EPHA6: variants seen among roughly 807,000 people sequenced by gnomAD.
EPHA6 encodes the protein EPH receptor A6.
In EPHA6, 50 loss-of-function variants were observed where a neutral mutation model predicts 112.0. The ratio of observed to expected loss-of-function variants is 0.45; its 90% CI spans 0.36 to 0.56. The LOEUF is 0.56. Ranked by LOEUF, EPHA6 falls within the 20% of genes least tolerant of loss-of-function variation. EPHA6 has a pLI of 0.00. For missense variants in EPHA6, 1,280 were observed against 1,417.4 expected (o/e 0.90, Z 1.56); for synonymous variants, 529 against 490.7 (o/e 1.08, Z -1.03).
intron 2 of EPHA6, among the ~76,000 whole-genome samples, chr3:96,919,101 A>T (rs1345283553): frequency 2.0e-5 from 3 of 151,952 alleles, no homozygotes; most frequent in African/African-American, 4.8e-5. Context: ...CTACTGTATT[A>T]TTCATAAATA....
chr3:97,356,952 A>G (rs2084111504), intron 5 of EPHA6, among the ~76,000 whole-genome samples: 1 of 151,904 alleles, frequency 6.6e-6, no homozygotes, highest in African/African-American at 2.4e-5. Flanking sequence ...ATATATTTTG[A>G]TGGTCTGCTG....
At chr3:97,485,699 T>C (rs13061165) in intron 10 of EPHA6, among the ~76,000 whole-genome samples, 35,044 of 152,152 alleles carry the variant, frequency 0.23, 5,309 homozygotes, top group Non-Finnish European at 0.33. Flanking sequence ...GCAGGCATAA[T>C]TGAGAAGAGT....
chr3:97,316,559 T>C (rs541849602), intron 5 of EPHA6, among the ~76,000 whole-genome samples: 1 of 152,080 alleles, frequency 6.6e-6, no homozygotes, highest in African/African-American at 2.4e-5. Flanking sequence ...ACCCTGATGC[T>C]ATAAAACGTG....
In EPHA6 at chr3:97,538,721, C is replaced by A. The variant is rs117660635; in HGVS notation, c.2386+6178C>A. The stretch of plus-strand genomic sequence containing the variant: ...AATAGAATAAAATGAGCTGAGAAAC[C>A]AACTTAGATGGATTGAGAAGCGTCC... On this transcript the variant is annotated intron_variant, in intron 11 of 17. Coordinates refer to ENST00000389672, the MANE Select transcript of EPHA6 (RefSeq NM_001080448.3). 1.5e-3 allele frequency among the ~76,000 whole-genome samples: 226 copies of A among 152,142 alleles called. 2 individuals carry two copies. The East Asian group carries it at 0.039, about 26-fold the overall frequency.
chr3:96,856,194 C>T (rs190706030), intron 1 of EPHA6, among the ~76,000 whole-genome samples: 72 of 151,804 alleles, frequency 4.7e-4, no homozygotes, highest in African/African-American at 1.6e-3. Flanking sequence ...GAGCGGAGAT[C>T]GCGCCACTGC....
intron 10 of EPHA6, among the ~76,000 whole-genome samples, chr3:97,523,741 T>C (rs1013570281): frequency 6.6e-6 from 1 of 152,050 alleles, no homozygotes; most frequent in Non-Finnish European, 1.5e-5. Flanking sequence ...CAATGTTAGA[T>C]GCATGTATAT....
chr3:97,505,565 T>A (rs1284973869), intron 10 of EPHA6, among the ~76,000 whole-genome samples: 3 of 152,148 alleles, frequency 2.0e-5, no homozygotes, highest in Non-Finnish European at 4.4e-5. Flanking sequence ...ATATGTGCCA[T>A]GTTTTCTTTA....
At chr3:97,482,780 A>G (rs1167415460) in intron 9 of EPHA6, among the ~76,000 whole-genome samples, 1 of 152,242 alleles carries the variant, frequency 6.6e-6, no homozygotes, top group East Asian at 1.9e-4. Flanking sequence ...CTAAGAAGCA[A>G]CAAAACCAAA....
intron 5 of EPHA6, among the ~76,000 whole-genome samples, chr3:97,326,125 G>C (rs1213370178): frequency 6.6e-6 from 1 of 151,904 alleles, no homozygotes; most frequent in Non-Finnish European, 1.5e-5. Context: ...TATTACCTGA[G>C]TCACTATATT....
Position 97,760,914 on chromosome 3 carries a change from C to G in EPHA6, c.*12213C>G, listed in dbSNP as rs1277039210. 2 of 194,286 alleles carry G rather than the reference C, an allele frequency of 1.0e-5. No homozygotes were observed. Among genetic ancestry groups the G allele is most frequent in the Non-Finnish European group, 2.1e-5 (2 of 93,180 alleles). The allele number at this position is 194,286 out of a possible 1,614,324, so 12.0% of individuals were successfully genotyped here. On this transcript the variant is annotated 3_prime_UTR_variant, in exon 18 of 18. Transcript: ENST00000389672. ...TTAACTCTGTACCCATCTGCTCTTA[C>G]AAAAGGGGAAAAAGATTTATCTATG...
At chr3:97,246,080 C>A (rs946644850) in intron 5 of EPHA6, among the ~76,000 whole-genome samples, 1 of 151,802 alleles carries the variant, frequency 6.6e-6, no homozygotes, top group African/African-American at 2.4e-5. Flanking sequence ...AAATAGAATT[C>A]CTATTTTCTC....
chr3:96,904,882 C>T (rs2038843883), intron 2 of EPHA6, among the ~76,000 whole-genome samples: 1 of 152,030 alleles, frequency 6.6e-6, no homozygotes, highest in African/African-American at 2.4e-5. Context: ...TATATTTCAC[C>T]TGTCAAATTA....
intron 3 of EPHA6, among the ~76,000 whole-genome samples, chr3:97,147,919 T>C (rs879551714): frequency 3.9e-5 from 6 of 152,074 alleles, no homozygotes; most frequent in Non-Finnish European, 7.4e-5. Flanking sequence ...TGCGATAATA[T>C]CCATTTTTTA....
At chr3:97,731,528 C>G (rs1217830724) in intron 15 of EPHA6, among the ~76,000 whole-genome samples, 1 of 151,992 alleles carries the variant, frequency 6.6e-6, no homozygotes, top group East Asian at 1.9e-4. Context: ...GGACAGATTT[C>G]TCTACCATTA....
chr3:97,126,074 T>G (rs531191365), intron 3 of EPHA6, among the ~76,000 whole-genome samples: 2 of 152,364 alleles, frequency 1.3e-5, no homozygotes, highest in African/African-American at 4.8e-5. Flanking sequence ...AAAGCCTATC[T>G]TGATGCAGGT....
At chr3:96,956,103 G>GT (rs1228376096) in intron 2 of EPHA6, among the ~76,000 whole-genome samples, 2 of 141,530 alleles carry the variant, frequency 1.4e-5, no homozygotes, top group Non-Finnish European at 3.2e-5. Flanking sequence ...ATGTTGCAGT[G>GT]TAAAAAGAAC....
chr3:96,826,531 C>G (rs924256533), intron 1 of EPHA6, among the ~76,000 whole-genome samples: 5 of 152,126 alleles, frequency 3.3e-5, no homozygotes, highest in Admixed American at 6.6e-5. Flanking sequence ...AGTGCAGTTT[C>G]TCTCAACTTC....
chr3:97,412,528 A>G (rs2087797449), intron 6 of EPHA6, among the ~76,000 whole-genome samples: 1 of 152,072 alleles, frequency 6.6e-6, no homozygotes, highest in South Asian at 2.1e-4. Flanking sequence ...TGACTGCAGA[A>G]GCTTATTTTT....
intron 3 of EPHA6, among the ~76,000 whole-genome samples, chr3:97,157,141 C>A (rs1213089570): frequency 6.6e-6 from 1 of 152,140 alleles, no homozygotes; most frequent in Non-Finnish European, 1.5e-5. Context: ...TTAGTGTTTT[C>A]ATGAAGTGCT....
Sources: allele counts gnomAD v4.1 joint callset (sites outside exome capture counted in the v4.1 genomes callset), GRCh38; gene constraint gnomAD v4.1.1; transcripts MANE v1.5; gene names NCBI Gene and HGNC (gene_info 2026-07-23, HGNC 2026-07-21).